Variants in HSD17B2 observed in about 807,000 individuals in gnomAD.
HSD17B2 encodes hydroxysteroid 17-beta dehydrogenase 2.
HSD17B2 carries 32 observed loss-of-function variants against 26.9 expected under a neutral mutation model. The observed-to-expected ratio is 1.19, with a 90% CI of 0.90 to 1.60. HSD17B2 has a LOEUF of 1.60. Among genes scored for constraint, HSD17B2 ranks in the 40% most tolerant of loss-of-function variants. HSD17B2 has a pLI of 0.00. For synonymous variants in HSD17B2, 246 were observed against 186.7 expected (o/e 1.32, Z -2.59); for missense variants, 613 against 468.6 (o/e 1.31, Z -2.85).
intron 4 of HSD17B2, chr16:82,097,301 T>C (rs1305920499): frequency 2.0e-5 from 3 of 151,638 alleles, no homozygotes; most frequent in Non-Finnish European, 2.9e-5. Flanking sequence ...TGTATATATA[T>C]ATACACATAT....
rs796990351 is a variant in HSD17B2, at chr16:82,073,231, AT to A, written c.664+2115del. Among the ~76,000 whole-genome samples, 492 of 147,766 alleles carry A rather than the reference AT, an allele frequency of 3.3e-3. 3 individuals carry two copies. Among genetic ancestry groups the A allele is most frequent in the African/African-American group, 0.01 (406 of 40,434 alleles). Reference sequence around the variant, plus strand: ...CACTCTTTTATTATTATTATTATTAATTTTTTTTTTTGAGATGGAGTCTCAC... The same window carrying A: ...CACTCTTTTATTATTATTATTATTAATTTTTTTTTTGAGATGGAGTCTCAC... On this transcript the variant is annotated intron_variant, in intron 3 of 4. Coordinates refer to ENST00000199936, the MANE Select transcript of HSD17B2 (RefSeq NM_002153.3).
At chr16:82,038,805 A>C (rs1216501622) in intron 1 of HSD17B2, among the ~76,000 whole-genome samples, 1 of 152,188 alleles carries the variant, frequency 6.6e-6, no homozygotes, top group Non-Finnish European at 1.5e-5. Flanking sequence ...TGAGACATTG[A>C]GAAGTCCTCT....
chr16:82,059,548 T>C (rs1221729733), intron 1 of HSD17B2, among the ~76,000 whole-genome samples: 1 of 152,120 alleles, frequency 6.6e-6, no homozygotes, highest in African/African-American at 2.4e-5. Context: ...TGTAGTGGGA[T>C]TGAGGAGTGA....
At chr16:82,047,941 T>G (rs1913985918) in intron 1 of HSD17B2, among the ~76,000 whole-genome samples, 1 of 152,138 alleles carries the variant, frequency 6.6e-6, no homozygotes, top group Non-Finnish European at 1.5e-5. Flanking sequence ...ATTTTTACAA[T>G]GAAGAGAAAC....
At chr16:82,079,612 C>A (rs1374804042) in intron 3 of HSD17B2, among the ~76,000 whole-genome samples, 1 of 152,106 alleles carries the variant, frequency 6.6e-6, no homozygotes, top group Middle Eastern at 3.2e-3. Flanking sequence ...GTGGGGGGAG[C>A]AATTCAGTCC....
intron 1 of HSD17B2, among the ~76,000 whole-genome samples, chr16:82,045,322 T>C (rs1040883132): frequency 5.3e-5 from 8 of 152,088 alleles, no homozygotes; most frequent in Non-Finnish European, 7.4e-5. Flanking sequence ...TCTTAAGATA[T>C]ACAGTATCTA....
Position 82,035,614 on chromosome 16 carries a change from T to A in HSD17B2, c.190T>A (p.Ser64Thr). 1 of 1,613,800 alleles carries A rather than the reference T, an allele frequency of 6.2e-7. No homozygotes were observed. The highest frequency in any genetic ancestry group is 8.5e-7 in the Non-Finnish European group (1 of 1,180,016). ...TTGGGGCTTGATCCTCTTCTCGGTG[T>A]CATGCTTCCTCATGTATACTTACTT... ...PFWGLILFSV[S>T]CFLMYTYLSG... The change falls in exon 1 of 5, where the codon TCA becomes ACA. Residue 64 changes from serine to threonine, a missense_variant. By Grantham distance (58) the Ser-to-Thr change is moderately conservative. Coordinates refer to ENST00000199936, the MANE Select transcript of HSD17B2 (RefSeq NM_002153.3).
At chr16:82,061,947 G>A (rs1055243934) in intron 1 of HSD17B2, among the ~76,000 whole-genome samples, 1 of 152,196 alleles carries the variant, frequency 6.6e-6, no homozygotes, top group African/African-American at 2.4e-5. Flanking sequence ...TATTTACAGG[G>A]TGGATGCGTT....
chr16:82,096,308 G>A (rs1166201236), intron 4 of HSD17B2: 1 of 152,118 alleles, frequency 6.6e-6, no homozygotes, highest in African/African-American at 2.4e-5. Context: ...TGTAACCTCT[G>A]CCTCCTGGGT....
chr16:82,093,126 A>G (rs887099004), intron 4 of HSD17B2: 8 of 152,212 alleles, frequency 5.3e-5, no homozygotes, highest in African/African-American at 1.9e-4. Flanking sequence ...ACAGGGTTCA[A>G]CAAATTATTA....
rs61629221 is a variant in HSD17B2, at chr16:82,050,741, G to A, written c.265+15052G>A. Among the ~76,000 whole-genome samples, 633 of 152,194 alleles carry A rather than the reference G, an allele frequency of 4.2e-3. 6 individuals carry two copies. The highest frequency in any genetic ancestry group is 0.014 in the African/African-American group (594 of 41,528). On this transcript the variant is annotated intron_variant, in intron 1 of 4. Coordinates refer to ENST00000199936, the MANE Select transcript of HSD17B2 (RefSeq NM_002153.3). ...CTTTTTCCTCCACCCTTTACAGGCT[G>A]GCTTCTTCTTCACCTTCATGTCTTA...
chr16:82,044,728 G>C (rs1913867995), intron 1 of HSD17B2: 1 of 152,308 alleles, frequency 6.6e-6, no homozygotes, highest in African/African-American at 2.4e-5. Context: ...AGGAGCCAGA[G>C]GGGCCAGGAA....
At chr16:82,051,397 T>C (rs1051964526) in intron 1 of HSD17B2, among the ~76,000 whole-genome samples, 4 of 152,120 alleles carry the variant, frequency 2.6e-5, no homozygotes, top group African/African-American at 4.8e-5. Context: ...TAAAAAGGAA[T>C]GAGATAATGC....
In HSD17B2 at chr16:82,091,028, GCT is replaced by G; in HGVS notation, c.792_793del (p.Phe265ProfsTer9). The G allele has an allele frequency of 6.2e-7, 1 of 1,613,910 alleles. No individual in the cohort carries two copies. Among genetic ancestry groups the G allele is most frequent in the Non-Finnish European group, 8.5e-7 (1 of 1,179,850 alleles). On this transcript the variant is annotated frameshift_variant, in exon 4 of 5. Coordinates refer to ENST00000199936, the MANE Select transcript of HSD17B2 (RefSeq NM_002153.3). LOFTEE classifies it low-confidence loss of function (END_TRUNC). ...AAAGTTGCTTCCATCCAACCTGGAGGCTTCCTAACAAGTAGGTTTCTGAGCCC... is the reference window on the plus strand; with the variant it reads ...AAAGTTGCTTCCATCCAACCTGGAGGTCCTAACAAGTAGGTTTCTGAGCCC...
intron 3 of HSD17B2, among the ~76,000 whole-genome samples, chr16:82,074,336 G>C (rs1303421804): frequency 1.3e-5 from 2 of 152,102 alleles, no homozygotes; most frequent in African/African-American, 4.8e-5. Flanking sequence ...AGAAACTCTA[G>C]AAATGAGTTT....
intron 3 of HSD17B2, among the ~76,000 whole-genome samples, chr16:82,082,923 A>T (rs1437891102): frequency 1.3e-5 from 2 of 152,162 alleles, no homozygotes; most frequent in Non-Finnish European, 2.9e-5. Flanking sequence ...TAGAACTTGA[A>T]CTTGAACTTT....
intron 1 of HSD17B2, among the ~76,000 whole-genome samples, chr16:82,063,721 T>C (rs1422764696): frequency 6.6e-6 from 1 of 152,172 alleles, no homozygotes; most frequent in Non-Finnish European, 1.5e-5. Flanking sequence ...GGGGCTGGGA[T>C]GATCAGAGTG....
chr16:82,045,567 CA>C (rs1330353180), intron 1 of HSD17B2, among the ~76,000 whole-genome samples: 1 of 152,182 alleles, frequency 6.6e-6, no homozygotes, highest in Non-Finnish European at 1.5e-5. Context: ...GCAAAGGAGA[CA>C]AAAGGAATAT....
At position 82,098,447 on chromosome 16, in the gene HSD17B2, C is replaced by A; in HGVS notation, c.*11C>A. On this transcript the variant is annotated 3_prime_UTR_variant, in exon 5 of 5. Coordinates refer to ENST00000199936, the MANE Select transcript of HSD17B2 (RefSeq NM_002153.3). The stretch of plus-strand genomic sequence containing the variant: ...AAAAAGGCCACCTAGGCAATGGAAG[C>A]CCTCAAAGAAGTCGGAATGTCATAG... 3 of 1,574,522 alleles carry A rather than the reference C, an allele frequency of 1.9e-6. No individual in the cohort carries two copies. Among genetic ancestry groups the A allele is most frequent in the Non-Finnish European group, 2.6e-6 (3 of 1,163,078 alleles).
Sources: gnomAD v4.1 joint callset for allele counts (sites outside exome capture counted in the v4.1 genomes callset) on GRCh38, gnomAD v4.1.1 for gene constraint, MANE v1.5 for transcripts, NCBI Gene and HGNC (gene_info 2026-07-23, HGNC 2026-07-21) for gene names.